Variants in B4GALT5 observed in about 807,000 individuals in gnomAD.
B4GALT5 encodes UDP-Gal:beta-GlcNAc beta-1,4-galactosyltransferase 5.
B4GALT5 carries 11 observed loss-of-function variants against 45.0 expected under a neutral mutation model. The ratio of observed to expected loss-of-function variants is 0.24; its 90% confidence interval spans 0.15 to 0.40. B4GALT5 has a LOEUF of 0.40. B4GALT5 is among the 10% of genes least tolerant of loss of function. The pLI is 1.00. For missense variants in B4GALT5, 337 were observed against 500.2 expected (o/e 0.67, Z 3.11); for synonymous variants, 185 against 182.9 (o/e 1.01, Z -0.09).
chr20:49,707,535 T>C (rs900183932), intron 1 of B4GALT5, among the ~76,000 whole-genome samples: 1 of 152,148 alleles, frequency 6.6e-6, no homozygotes, highest in South Asian at 2.1e-4. Context: ...ATTTTCAGAC[T>C]ACACTTGAAT....
intron 1 of B4GALT5, among the ~76,000 whole-genome samples, chr20:49,677,360 C>A (rs2085742371): frequency 6.6e-6 from 1 of 152,144 alleles, no homozygotes; most frequent in African/African-American, 2.4e-5. Context: ...CCAGCAAGAC[C>A]CCCTGCCTCC....
chr20:49,688,548 C>T (rs1400368658), intron 1 of B4GALT5, among the ~76,000 whole-genome samples: 1 of 152,146 alleles, frequency 6.6e-6, no homozygotes, highest in African/African-American at 2.4e-5. Flanking sequence ...TGTAAGCCAT[C>T]TAGATATTAG....
At chr20:49,694,583 G>A (rs1053272839) in intron 1 of B4GALT5, among the ~76,000 whole-genome samples, 10 of 151,572 alleles carry the variant, frequency 6.6e-5, no homozygotes, top group African/African-American at 2.4e-4. Context: ...GCTGCAATGA[G>A]GTGTGATCAC....
intron 8 of B4GALT5, 79 bp downstream of exon 8, chr20:49,637,254 AGGAGAAGG>A: frequency 8.5e-7 from 1 of 1,176,092 alleles, no homozygotes; most frequent in Non-Finnish European, 1.3e-6. Context: ...GGTGGGGAGT[AGGAGAAGG>A]GGCTGTAATA....
At chr20:49,711,652 C>T (rs1187596506) in intron 1 of B4GALT5, among the ~76,000 whole-genome samples, 4 of 152,178 alleles carry the variant, frequency 2.6e-5, no homozygotes, top group Admixed American at 6.5e-5. Flanking sequence ...CTTGTTCTGC[C>T]AGAATCCCAA....
At chr20:49,697,951 CCT>C (rs1165532687) in intron 1 of B4GALT5, among the ~76,000 whole-genome samples, 1 of 152,068 alleles carries the variant, frequency 6.6e-6, no homozygotes, top group East Asian at 1.9e-4. Flanking sequence ...ATAAACTGCC[CCT>C]GCTTTTGAGG....
At chr20:49,709,768 CAA>C (rs201077150) in intron 1 of B4GALT5, among the ~76,000 whole-genome samples, 13 of 94,586 alleles carry the variant, frequency 1.4e-4, no homozygotes, top group Non-Finnish European at 1.8e-4. Context: ...AACTCCGTCT[CAA>C]AAAAAAAAAA....
chr20:49,641,784 G>A (rs2085577905), intron 5 of B4GALT5, among the ~76,000 whole-genome samples: 1 of 152,112 alleles, frequency 6.6e-6, no homozygotes, highest in Non-Finnish European at 1.5e-5. Context: ...GTTTATCTAT[G>A]GATATAGCAC....
At chr20:49,694,836 A>G (rs1422796970) in intron 1 of B4GALT5, among the ~76,000 whole-genome samples, 1 of 111,474 alleles carries the variant, frequency 9.0e-6, no homozygotes, top group African/African-American at 3.0e-5. Context: ...AAAGACAGAC[A>G]GATACACACA....
intron 1 of B4GALT5, among the ~76,000 whole-genome samples, chr20:49,664,840 A>G (rs1384034291): frequency 6.6e-6 from 1 of 152,246 alleles, no homozygotes; most frequent in African/African-American, 2.4e-5. Context: ...GCACATATGC[A>G]TGTATGAGCT....
intron 1 of B4GALT5, among the ~76,000 whole-genome samples, chr20:49,696,815 T>C (rs1021009995): frequency 1.3e-5 from 2 of 152,238 alleles, no homozygotes; most frequent in Non-Finnish European, 2.9e-5. Context: ...TAACATTTGT[T>C]AGATCCTAAT....
intron 2 of B4GALT5, among the ~76,000 whole-genome samples, chr20:49,652,820 C>T (rs1006532828): frequency 6.6e-6 from 1 of 152,178 alleles, no homozygotes; most frequent in African/African-American, 2.4e-5. Context: ...AATGCAGATG[C>T]CTGAATGTGG....
intron 1 of B4GALT5, among the ~76,000 whole-genome samples, chr20:49,690,388 T>C (rs938078425): frequency 1.3e-5 from 2 of 151,838 alleles, no homozygotes; most frequent in Non-Finnish European, 2.9e-5. Flanking sequence ...AAGTAATGTT[T>C]AAAAGGGATA....
chr20:49,707,880 C>T (rs1357967028), intron 1 of B4GALT5, among the ~76,000 whole-genome samples: 1 of 150,730 alleles, frequency 6.6e-6, no homozygotes, highest in Non-Finnish European at 1.5e-5. Context: ...TCCCAGAGTG[C>T]CGGGATTAAA....
At chr20:49,641,763 G>A (rs2085577839) in intron 5 of B4GALT5, among the ~76,000 whole-genome samples, 1 of 152,156 alleles carries the variant, frequency 6.6e-6, no homozygotes, top group South Asian at 2.1e-4. Context: ...AGGGAAATCT[G>A]TCAACCTTTT....
intron 1 of B4GALT5, among the ~76,000 whole-genome samples, chr20:49,695,719 A>C (rs2085837067): frequency 6.6e-6 from 1 of 152,166 alleles, no homozygotes; most frequent in Non-Finnish European, 1.5e-5. Flanking sequence ...CACTGTTAGA[A>C]ATGCTTATGC....
chr20:49,710,336 G>C (rs1260703681), intron 1 of B4GALT5, among the ~76,000 whole-genome samples: 1 of 150,662 alleles, frequency 6.6e-6, no homozygotes, highest in Non-Finnish European at 1.5e-5. Context: ...ATATACAACT[G>C]TTTTTGACCT....
At chr20:49,707,952 G>A (rs928697850) in intron 1 of B4GALT5, among the ~76,000 whole-genome samples, 9 of 148,940 alleles carry the variant, frequency 6.0e-5, no homozygotes, top group Non-Finnish European at 1.3e-4. Flanking sequence ...AGGAATGGCC[G>A]GGCACGGTGG....
At chr20:49,660,590 C>G (rs578146735) in intron 1 of B4GALT5, among the ~76,000 whole-genome samples, 1 of 152,324 alleles carries the variant, frequency 6.6e-6, no homozygotes, top group African/African-American at 2.4e-5. Context: ...GCAAAATCCC[C>G]TTAATCTTTT....
Sources: allele counts gnomAD v4.1 joint callset (sites outside exome capture counted in the v4.1 genomes callset), GRCh38; gene constraint gnomAD v4.1.1; transcripts MANE v1.5; gene names NCBI Gene and HGNC (gene_info 2026-07-23, HGNC 2026-07-21).